Variants in CYTIP observed in about 807,000 individuals in gnomAD.
The protein encoded by CYTIP is cytohesin 1 interacting protein, also known as cytohesin-interacting protein.
A neutral mutation model predicts 43.8 loss-of-function variants in CYTIP; 26 were observed. The observed-to-expected ratio is 0.59, with a 90% confidence interval of 0.44 to 0.82. The LOEUF (loss-of-function observed/expected upper bound fraction) is 0.82, where lower values mean the gene tolerates loss of function less well. Among genes scored for constraint, CYTIP ranks in the 40% least tolerant of loss-of-function variants. The pLI is 0.00. For missense variants in CYTIP, 426 were observed against 443.1 expected (o/e 0.96, Z 0.35); for synonymous variants, 162 against 162.9 (o/e 0.99, Z 0.04).
At chr2:157,427,598 T>G (rs1685634134) in intron 5 of CYTIP, among the ~76,000 whole-genome samples, 178 bp from the exon 6 acceptor site, 1 of 152,188 alleles carries the variant, frequency 6.6e-6, no homozygotes, top group Non-Finnish European at 1.5e-5. Context: ...CCAAATCTTC[T>G]GATAACAGAG....
chr2:157,442,658 T>C (rs1685934973), intron 1 of CYTIP, among the ~76,000 whole-genome samples: 1 of 152,174 alleles, frequency 6.6e-6, no homozygotes, highest in Non-Finnish European at 1.5e-5. Context: ...TACATTAAAC[T>C]TTGTATCATA....
At chr2:157,423,423 T>A (rs1366202936) in intron 6 of CYTIP, among the ~76,000 whole-genome samples, 1 of 150,062 alleles carries the variant, frequency 6.7e-6, no homozygotes, top group African/African-American at 2.4e-5. Flanking sequence ...TTAATAAATT[T>A]AAAAACTTTG....
At chr2:157,434,309 A>C (rs1685758379) in intron 3 of CYTIP, 61 bp downstream of exon 3, 4 of 1,284,186 alleles carry the variant, frequency 3.1e-6, no homozygotes, top group Non-Finnish European at 4.5e-6. Context: ...TTTGCACATA[A>C]CATGACACTA....
At chr2:157,434,453 T>C (rs758466322) in intron 2 of CYTIP, 29 bp from the exon 3 acceptor site, 1 of 1,532,616 alleles carries the variant, frequency 6.5e-7, no homozygotes, top group Non-Finnish European at 9.0e-7. Flanking sequence ...AAAAAGAAAC[T>C]GCATGAAAAT....
intron 3 of CYTIP, among the ~76,000 whole-genome samples, chr2:157,431,292 C>T (rs959453624): frequency 2.6e-5 from 4 of 152,124 alleles, no homozygotes; most frequent in Admixed American, 6.5e-5. Context: ...GATAAAACAA[C>T]GATGGCCAAG....
At position 157,427,332 on chromosome 2, in the gene CYTIP, C is replaced by G. The variant is rs1685628003; in HGVS notation, c.546+19G>C. ...ATTCAAGGATGAAAAATGTGCCTCA[C>G]TGCATTAAATTAAATTACCTTTAAA... is the stretch of plus-strand genomic sequence containing the variant. On this transcript the variant is annotated intron_variant, in intron 6 of 7. Coordinates refer to ENST00000264192, the MANE Select transcript of CYTIP (RefSeq NM_004288.5). 1 of 1,592,590 alleles carries G rather than the reference C, an allele frequency of 6.3e-7. No individual in the cohort carries two copies. Among genetic ancestry groups the G allele is most frequent in the Non-Finnish European group, 8.5e-7 (1 of 1,169,992 alleles).
At chr2:157,430,674 G>T in intron 4 of CYTIP, 22 bp from the exon 5 acceptor site, 4 of 1,603,166 alleles carry the variant, frequency 2.5e-6, no homozygotes, top group East Asian at 2.2e-5. Context: ...CAAGAAAAAT[G>T]AGTGTTATGT....
At chr2:157,439,022 G>T in intron 1 of CYTIP, 1 of 306,154 alleles carries the variant, frequency 3.3e-6, no homozygotes, top group Non-Finnish European at 7.4e-6. Context: ...AGCCTCTATA[G>T]ATATTTCCCC....
chr2:157,437,994 A>C (rs1685840093), intron 1 of CYTIP, among the ~76,000 whole-genome samples: 1 of 152,188 alleles, frequency 6.6e-6, no homozygotes, highest in Non-Finnish European at 1.5e-5. Context: ...AAATAGAACT[A>C]CCATATGATC....
In CYTIP at chr2:157,418,597, A is replaced by AT. The variant is rs777644785; in HGVS notation, c.547-9dup. On this transcript the variant is annotated splice_polypyrimidine_tract_variant and intron_variant, in intron 6 of 7. Coordinates refer to ENST00000264192, the MANE Select transcript of CYTIP (RefSeq NM_004288.5). ...TTTTTGTTTCAAAGTTTGCTGTGAG[A>AT]TTAAAAAAAAAAAAAAAAAGTTTTT... 6.8e-4 allele frequency: 908 copies of AT among 1,329,670 alleles called. 2 individuals are homozygous for AT. The African/African-American group carries it at 0.015, about 22-fold the overall frequency. 82.4% of individuals were successfully genotyped at this position (1,329,670 alleles called of 1,614,324 possible).
chr2:157,438,709 AAAG>A (rs1310318056), intron 1 of CYTIP, among the ~76,000 whole-genome samples: 2 of 152,204 alleles, frequency 1.3e-5, no homozygotes, highest in East Asian at 3.8e-4. Flanking sequence ...ATTTTAAATG[AAAG>A]AAAACAGACA....
intron 5 of CYTIP, among the ~76,000 whole-genome samples, chr2:157,428,691 G>A (rs911433130): frequency 6.6e-6 from 1 of 152,198 alleles, no homozygotes; most frequent in East Asian, 1.9e-4. Context: ...ACTACCAGCA[G>A]TTCCCCTCAG....
chr2:157,416,198 A>C, intron 7 of CYTIP, 55 bp from the exon 8 acceptor site: 2 of 1,353,450 alleles, frequency 1.5e-6, no homozygotes, highest in Non-Finnish European at 2.0e-6. Context: ...CTACAAATAA[A>C]TACACTACAT....
chr2:157,442,171 C>T (rs1247635077), intron 1 of CYTIP, among the ~76,000 whole-genome samples: 1 of 152,122 alleles, frequency 6.6e-6, no homozygotes, highest in Non-Finnish European at 1.5e-5. Context: ...TATCTATTTC[C>T]AAGGCTATAT....
Position 157,434,843 on chromosome 2 carries a change from T to TCA in CYTIP, c.175-97_175-96insTG, listed in dbSNP as rs1442664111. Reference sequence around the variant, plus strand: ...CTCTCTCTCTCTCTCTCTCTCTCTCTCTCTCTCACACACACACACACACAC... The same window carrying TCA: ...CTCTCTCTCTCTCTCTCTCTCTCTCTCACTCTCTCACACACACACACACACAC... On this transcript the variant is annotated intron_variant, in intron 1 of 7. Transcript: ENST00000264192. 4.1e-3 allele frequency: 1,528 copies of TCA among 376,562 alleles called. 19 individuals carry two copies. The highest frequency in any genetic ancestry group is 5.8e-3 in the Non-Finnish European group (1,140 of 196,560). The allele number at this position is 376,562 out of a possible 1,614,324, so 23.3% of individuals were successfully genotyped here.
At position 157,415,542 on chromosome 2, in the gene CYTIP, T is replaced by G. The variant is rs1198044241; in HGVS notation, c.*135A>C. 13 of 640,466 alleles carry G rather than the reference T, an allele frequency of 2.0e-5. No individual in the cohort carries two copies. Among genetic ancestry groups the G allele is most frequent in the Non-Finnish European group, 3.6e-5 (13 of 361,230 alleles). The allele number at this position is 640,466 out of a possible 1,614,324, so 39.7% of individuals were successfully genotyped here. On this transcript the variant is annotated 3_prime_UTR_variant, in exon 8 of 8. Transcript: ENST00000264192. ...GAAGCATAAACTATAACACAACAAT[T>G]TAAATAAAGGTCACTATTGCTGTGA...
At chr2:157,422,002 GA>G (rs772228413) in intron 6 of CYTIP, among the ~76,000 whole-genome samples, 1 of 152,158 alleles carries the variant, frequency 6.6e-6, no homozygotes, top group Non-Finnish European at 1.5e-5. Context: ...TTCCGCTTAA[GA>G]AAAAAACATT....
At chr2:157,441,013 G>T (rs533621702) in intron 1 of CYTIP, among the ~76,000 whole-genome samples, 1 of 152,076 alleles carries the variant, frequency 6.6e-6, no homozygotes, top group Non-Finnish European at 1.5e-5. Flanking sequence ...TATCAGTACA[G>T]GTAGTGAGAT....
At position 157,415,857 on chromosome 2, in the gene CYTIP, C is replaced by T; in HGVS notation, c.900G>A (p.Arg300=). The T allele has an allele frequency of 6.2e-7, 1 of 1,614,186 alleles. No individual in the cohort carries two copies. Among genetic ancestry groups the T allele is most frequent in the Non-Finnish European group, 8.5e-7 (1 of 1,180,042 alleles). Residue 300 remains arginine, a synonymous_variant, in exon 8 of 8, where the codon AGG becomes AGA. Transcript: ENST00000264192. ...TGGTGTTACTGATGCTCCGGTTCCT[C>T]CTTGAAGATGACCTCCTCAGAAAAT... ...GDDFLRRSSS[R]RNRSISNTSS...
Sources: allele counts gnomAD v4.1 joint callset (sites outside exome capture counted in the v4.1 genomes callset), GRCh38; gene constraint gnomAD v4.1.1; transcripts MANE v1.5; gene names NCBI Gene and HGNC (gene_info 2026-07-23, HGNC 2026-07-21).